Variants in NR1H4 observed in about 807,000 individuals in gnomAD.
The protein encoded by NR1H4 is bile acid receptor.
A neutral mutation model predicts 58.5 loss-of-function variants in NR1H4; 23 were observed. The observed-to-expected ratio is 0.39, with a 90% CI of 0.28 to 0.56. NR1H4 has a LOEUF of 0.56. Ranked by LOEUF, NR1H4 falls within the 20% of genes least tolerant of loss-of-function variation. The pLI is 0.58. For synonymous variants in NR1H4, 214 were observed against 198.0 expected (o/e 1.08, Z -0.68); for missense variants, 487 against 576.9 (o/e 0.84, Z 1.60).
chr12:100,488,399 T>C (rs1209956086), intron 1 of NR1H4, among the ~76,000 whole-genome samples: 2 of 152,238 alleles, frequency 1.3e-5, no homozygotes, highest in African/African-American at 2.4e-5. Context: ...GCCCCATTTG[T>C]AGAGACAGTC....
At chr12:100,520,033 G>A (rs545701138) in intron 4 of NR1H4, among the ~76,000 whole-genome samples, 3 of 152,150 alleles carry the variant, frequency 2.0e-5, no homozygotes, top group African/African-American at 7.2e-5. Flanking sequence ...AGGAAAACCA[G>A]AGGAGAAGGA....
chr12:100,510,870 C>G lies in NR1H4; in HGVS notation c.172C>G (p.Gln58Glu), dbSNP rs1320928669. ...QYSNVQFPQV[Q>E]PQISSSSYYS... ...CAGCAATGTTCAGTTTCCCCAAGTT[C>G]AACCACAGATTTCCTCGTCATCCTA... The change falls in exon 4 of 11, where the codon CAA becomes GAA. Residue 58 changes from glutamine (Q) to glutamate (E), a missense_variant. Gln to Glu is a conservative substitution (Grantham distance 29). Transcript: ENST00000392986. 2 of 1,614,144 alleles carry G rather than the reference C, an allele frequency of 1.2e-6. No individual in the cohort carries two copies. Among genetic ancestry groups the G allele is most frequent in the Non-Finnish European group, 8.5e-7 (1 of 1,180,042 alleles).
At chr12:100,491,343 A>G (rs552731553) in intron 1 of NR1H4, among the ~76,000 whole-genome samples, 96 of 151,818 alleles carry the variant, frequency 6.3e-4, no homozygotes, top group African/African-American at 2.2e-3. Flanking sequence ...TTCCACTGTG[A>G]TATATGGCAT....
intron 1 of NR1H4, among the ~76,000 whole-genome samples, chr12:100,489,142 G>A (rs1303364916): frequency 6.6e-6 from 1 of 152,190 alleles, no homozygotes; most frequent in African/African-American, 2.4e-5. Flanking sequence ...ATAGGCTAAA[G>A]TTGCTAATCC....
chr12:100,503,407 G>A, intron 3 of NR1H4: 1 of 1,597,372 alleles, frequency 6.3e-7, no homozygotes, highest in Non-Finnish European at 8.5e-7. Flanking sequence ...CAGTTTCAGG[G>A]GTTAGAAAAT....
At chr12:100,521,482 T>G (rs1032101422) in intron 4 of NR1H4, among the ~76,000 whole-genome samples, 2 of 152,180 alleles carry the variant, frequency 1.3e-5, no homozygotes, top group Non-Finnish European at 2.9e-5. Context: ...AGCATCTAAC[T>G]GAAAATTTCA....
intron 9 of NR1H4, among the ~76,000 whole-genome samples, chr12:100,558,816 A>G (rs1257998948): frequency 1.3e-5 from 2 of 152,224 alleles, no homozygotes; most frequent in Admixed American, 6.5e-5. Context: ...ATAGAGTGAT[A>G]GAGTGCAGCT....
intron 9 of NR1H4, among the ~76,000 whole-genome samples, chr12:100,558,598 A>T (rs1168729601): frequency 6.6e-6 from 1 of 152,216 alleles, no homozygotes; most frequent in African/African-American, 2.4e-5. Flanking sequence ...AGCTCAAGCA[A>T]TCTTCCAGCC....
intron 1 of NR1H4, among the ~76,000 whole-genome samples, chr12:100,490,485 A>G (rs1425023099): frequency 6.6e-6 from 1 of 152,096 alleles, no homozygotes; most frequent in African/African-American, 2.4e-5. Context: ...TATTAGGAAA[A>G]CTTTCTGACC....
intron 1 of NR1H4, among the ~76,000 whole-genome samples, chr12:100,476,709 T>C (rs1268045581): frequency 1.3e-5 from 2 of 152,012 alleles, no homozygotes; most frequent in Non-Finnish European, 2.9e-5. Context: ...GCAACACAGA[T>C]TATAAAGGGG....
chr12:100,499,770 G>A (rs1172587599), intron 3 of NR1H4: 6 of 438,546 alleles, frequency 1.4e-5, no homozygotes, highest in African/African-American at 1.2e-4. Context: ...TAATTGTAAT[G>A]ATAACAGCTA....
At chr12:100,529,671 T>G (rs1954645470) in intron 4 of NR1H4, among the ~76,000 whole-genome samples, 1 of 152,188 alleles carries the variant, frequency 6.6e-6, no homozygotes, top group African/African-American at 2.4e-5. Flanking sequence ...ATGGTCCATG[T>G]TTCTAAAACC....
intron 3 of NR1H4, among the ~76,000 whole-genome samples, chr12:100,502,663 A>G (rs748943022): frequency 6.6e-6 from 1 of 152,196 alleles, no homozygotes; most frequent in Non-Finnish European, 1.5e-5. Context: ...TCAACCTACT[A>G]TGTTTAGACT....
chr12:100,481,234 G>A (rs958372669), intron 1 of NR1H4, among the ~76,000 whole-genome samples: 1 of 151,548 alleles, frequency 6.6e-6, no homozygotes, highest in Admixed American at 6.6e-5. Context: ...ATGAGTAAGA[G>A]GCATAATATT....
chr12:100,528,213 A>G (rs1954609268), intron 4 of NR1H4, among the ~76,000 whole-genome samples: 1 of 152,226 alleles, frequency 6.6e-6, no homozygotes, highest in South Asian at 2.1e-4. Context: ...GTATGTACAC[A>G]TATATGTGTA....
intron 4 of NR1H4, among the ~76,000 whole-genome samples, chr12:100,514,967 A>C (rs1954224024): frequency 6.6e-6 from 1 of 152,076 alleles, no homozygotes; most frequent in Non-Finnish European, 1.5e-5. Context: ...TTTGTTGCCC[A>C]AAATGTTACC....
Position 100,562,058 on chromosome 12 carries a change from G to A in NR1H4, c.1192+60G>A, listed in dbSNP as rs560243526. Reference sequence around the variant, plus strand: ...TTTTTTTCAGTATACTAGTAATAACGTTTATTGAAAAAAATCTGGAAAACA... The same window carrying A: ...TTTTTTTCAGTATACTAGTAATAACATTTATTGAAAAAAATCTGGAAAACA... On this transcript the variant is annotated intron_variant, in intron 10 of 10. Coordinates refer to ENST00000392986, the MANE Select transcript of NR1H4 (RefSeq NM_001206979.2). 1.6e-4 allele frequency: 129 copies of A among 819,930 alleles called. No homozygotes were observed. In the African/African-American group the frequency reaches 1.8e-3, roughly 11 times the overall value. The allele number at this position is 819,930 out of a possible 1,614,324, so 50.8% of individuals were successfully genotyped here. A position where few individuals can be genotyped will look rare whatever the true frequency, so the allele number is the denominator to read the frequency against.
chr12:100,542,318 G>A (rs1954956933), intron 9 of NR1H4, among the ~76,000 whole-genome samples: 1 of 152,252 alleles, frequency 6.6e-6, no homozygotes, highest in East Asian at 1.9e-4. Flanking sequence ...CCACACTCCA[G>A]CCTGGGCAAC....
chr12:100,558,993 T>G (rs748836063), intron 9 of NR1H4, among the ~76,000 whole-genome samples: 80 of 152,336 alleles, frequency 5.3e-4, no homozygotes, highest in Non-Finnish European at 4.0e-4. Context: ...GCTTAAAATA[T>G]TGCATAATAC....
Sources: allele counts gnomAD v4.1 joint callset (sites outside exome capture counted in the v4.1 genomes callset), GRCh38; gene constraint gnomAD v4.1.1; transcripts MANE v1.5; gene names NCBI Gene and HGNC (gene_info 2026-07-23, HGNC 2026-07-21).